IRS2: variants seen among roughly 807,000 people sequenced by gnomAD.
The protein encoded by IRS2 is insulin receptor substrate 2.
A neutral mutation model predicts 70.9 loss-of-function variants in IRS2; 28 were observed. The observed-to-expected ratio is 0.39, with a 90% CI of 0.29 to 0.54. The LOEUF is 0.54. IRS2 is among the 20% of genes least tolerant of loss of function. IRS2 has a pLI of 0.59. For missense variants in IRS2, 2,081 were observed against 2,024.1 expected, an observed-to-expected ratio of 1.03 and a Z score of -0.54; for synonymous variants, 1,217 against 981.9, an observed-to-expected ratio of 1.24 and a Z score of -4.48.
intron 1 of IRS2, among the ~76,000 whole-genome samples, chr13:109,761,615 T>C (rs929309272): frequency 2.0e-4 from 29 of 147,278 alleles, no homozygotes; most frequent in South Asian, 2.1e-4. Context: ...TAAGGTTGGG[T>C]ATGATAACAA....
chr13:109,756,417 A>T (rs1408769060), intron 1 of IRS2, 109 bp from the exon 2 acceptor site: 1 of 867,444 alleles, frequency 1.2e-6, no homozygotes, highest in Non-Finnish European at 2.0e-6. Flanking sequence ...GGTCATTTTC[A>T]TAAACTGATG....
At chr13:109,777,473 C>A (rs1034672882) in intron 1 of IRS2, among the ~76,000 whole-genome samples, 2 of 152,078 alleles carry the variant, frequency 1.3e-5, no homozygotes, top group African/African-American at 4.8e-5. Context: ...AATAAAATAT[C>A]AATTCTCTAC....
chr13:109,781,161 AGGCC>A (rs1877686980), intron 1 of IRS2, among the ~76,000 whole-genome samples: 4 of 152,144 alleles, frequency 2.6e-5, no homozygotes, highest in African/African-American at 9.7e-5. Context: ...GTCTGGGGTG[AGGCC>A]CAACAGGTAA....
chr13:109,760,167 T>C (rs764014289), intron 1 of IRS2, among the ~76,000 whole-genome samples: 2 of 152,236 alleles, frequency 1.3e-5, no homozygotes, highest in Non-Finnish European at 2.9e-5. Flanking sequence ...GTGTTCATTT[T>C]AGTAGAAGCA....
rs11397558 is a variant in IRS2 at position 109,752,960 on chromosome 13, CTTT to C, written c.*3341_*3343del. 8 of 120,342 alleles carry C rather than the reference CTTT, an allele frequency of 6.6e-5. No homozygotes were observed. The highest frequency in any genetic ancestry group is 9.5e-5 in the African/African-American group (3 of 31,454). 7.5% of individuals were successfully genotyped at this position (120,342 alleles called of 1,614,324 possible). Reference sequence around the variant, plus strand: ...GTGTCATGGAGGCAGCATTCTTCTTCTTTTTTTTTTTTTTTTTTGAGACGGAGT... The same window carrying C: ...GTGTCATGGAGGCAGCATTCTTCTTCTTTTTTTTTTTTTTTGAGACGGAGT... On this transcript the variant is annotated 3_prime_UTR_variant, in exon 2 of 2. Transcript: ENST00000375856.
Position 109,754,443 on chromosome 13 carries a change from C to T in IRS2, c.*1861G>A, listed in dbSNP as rs371101194. 7 of 205,698 alleles carry T rather than the reference C, an allele frequency of 3.4e-5. No homozygotes were observed. In the East Asian group the frequency reaches 3.8e-4, roughly 11 times the overall value. 12.7% of individuals were successfully genotyped at this position (205,698 alleles called of 1,614,324 possible). A position where few individuals can be genotyped will look rare whatever the true frequency, so the allele number is the denominator to read the frequency against. ...CTTTCAGCAGGGTCCATATTCAGTC[C>T]CTATCGTACCTGGGGGGAGTTACAA... is the stretch of plus-strand genomic sequence containing the variant. On this transcript the variant is annotated 3_prime_UTR_variant, in exon 2 of 2. Transcript: ENST00000375856.
rs1006919431 is a variant in IRS2 at position 109,755,104 on chromosome 13, C to T, written c.*1200G>A. On this transcript the variant is annotated 3_prime_UTR_variant, in exon 2 of 2. Transcript: ENST00000375856. Reference sequence around the variant, plus strand: ...AACATAAAACAAGGGTAGTCTTGTCCGGAATTTTTTCGACAAGTAACATGT... The same window carrying T: ...AACATAAAACAAGGGTAGTCTTGTCTGGAATTTTTTCGACAAGTAACATGT... The T allele has an allele frequency of 5.2e-5, 12 of 231,462 alleles. No homozygotes were observed. Among genetic ancestry groups the T allele is most frequent in the Admixed American group, 4.0e-4 (7 of 17,720 alleles). 14.3% of individuals were successfully genotyped at this position (231,462 alleles called of 1,614,324 possible).
At position 109,782,130 on chromosome 13, in the gene IRS2, C is replaced by G; in HGVS notation, c.3924G>C (p.Gly1308=). The change falls in exon 1 of 2, where the codon GGG becomes GGC. Residue 1308 remains glycine (G), a synonymous_variant. Coordinates refer to ENST00000375856, the MANE Select transcript of IRS2 (RefSeq NM_003749.3). ...GVGSTGGGCG[G]PGPGALPPAN... ...CAGGGGGCAGGGCACCGGGACCCGG[C>G]CCCCCGCACCCGCCGCCGGTGCTGC... 2 of 1,607,478 alleles carry G rather than the reference C, an allele frequency of 1.2e-6. No individual in the cohort carries two copies. Among genetic ancestry groups the G allele is most frequent in the Non-Finnish European group, 1.7e-6 (2 of 1,177,836 alleles).
At chr13:109,763,180 C>G (rs1877263161) in intron 1 of IRS2, among the ~76,000 whole-genome samples, 1 of 152,166 alleles carries the variant, frequency 6.6e-6, no homozygotes, top group African/African-American at 2.4e-5. Flanking sequence ...CTAAGGAAGA[C>G]AATGCGAAGA....
At position 109,754,540 on chromosome 13, in the gene IRS2, A is replaced by C. The variant is rs536353518; in HGVS notation, c.*1764T>G. 1.6e-4 allele frequency: 32 copies of C among 199,188 alleles called. No homozygotes were observed. In the South Asian group the frequency reaches 5.7e-3, roughly 36 times the overall value. 12.3% of individuals were successfully genotyped at this position (199,188 alleles called of 1,614,324 possible). ...TTCAGGATTTTTATACATCTTAATA[A>C]AGTATATCATACACTGAAATTGACC... On this transcript the variant is annotated 3_prime_UTR_variant, in exon 2 of 2. Transcript: ENST00000375856.
At position 109,782,676 on chromosome 13, in the gene IRS2, G is replaced by C; in HGVS notation, c.3378C>G (p.Pro1126=). 6.3e-7 allele frequency: 1 copy of C among 1,575,494 alleles called. No individual in the cohort carries two copies. The highest frequency in any genetic ancestry group is 8.6e-7 in the Non-Finnish European group (1 of 1,162,348). ...GVEAFLQASQ[P]PDPHRGAKVI... ...CCTTGGCGCCGCGGTGGGGGTCCGG[G>C]GGCTGGCTGGCCTGCAGGAAGGCCT... The change falls in exon 1 of 2, where the codon CCC becomes CCG. Residue 1126 remains proline (P), a synonymous_variant. Transcript: ENST00000375856.
At chr13:109,762,644 C>T (rs1041750235) in intron 1 of IRS2, among the ~76,000 whole-genome samples, 3 of 152,176 alleles carry the variant, frequency 2.0e-5, no homozygotes, top group Admixed American at 1.3e-4. Flanking sequence ...GCCTGTGAGT[C>T]GATGAGGGTG....
At chr13:109,779,104 T>C (rs1877641172) in intron 1 of IRS2, among the ~76,000 whole-genome samples, 1 of 152,224 alleles carries the variant, frequency 6.6e-6, no homozygotes, top group Admixed American at 6.5e-5. Flanking sequence ...ACCTGAGATA[T>C]ACTTTTTAAC....
Position 109,784,783 on chromosome 13 carries a change from G to T in IRS2, c.1271C>A (p.Ala424Glu). Reference sequence around the variant, plus strand: ...GGACATGGAGCGGCTGTGTTGCAGCGCGCCCCCTGCCGGCAGCAGCGCCAC... The same window carrying T: ...GGACATGGAGCGGCTGTGTTGCAGCTCGCCCCCTGCCGGCAGCAGCGCCAC... ...SKVALLPAGG[A>E]LQHSRSMSMP... Residue 424 changes from alanine to glutamate, a missense_variant, in exon 1 of 2, where the codon GCG (alanine) becomes GAG (glutamate). Ala to Glu is a moderately radical substitution (Grantham distance 107). This residue lies in a region of IRS2 where 1,615 missense variants were observed against 1,459.5 expected (regional missense o/e 1.11). Transcript: ENST00000375856. This position sits in a 1 kb window ranked among gnomAD's most constrained non-coding sequence, Gnocchi z 5.2. The T allele has an allele frequency of 8.0e-7, 1 of 1,256,780 alleles. No individual in the cohort carries two copies. Among genetic ancestry groups the T allele is most frequent in the Middle Eastern group, 3.2e-4 (1 of 3,158 alleles). The allele number at this position is 1,256,780 out of a possible 1,614,324, so 77.9% of individuals were successfully genotyped here. A position where few individuals can be genotyped will look rare whatever the true frequency, so the allele number is the denominator to read the frequency against.
rs910525456 is a variant in IRS2 at position 109,783,322 on chromosome 13, G to A, written c.2732C>T (p.Pro911Leu). 2 of 1,555,156 alleles carry A rather than the reference G, an allele frequency of 1.3e-6. No homozygotes were observed. Among genetic ancestry groups the A allele is most frequent in the Admixed American group, 1.8e-5 (1 of 55,398 alleles). ...GTACTCGCCGGGGCTCTTGGGCTCC[G>A]GTGGCAGTGGGTACTCGTGCATGCT... ...LPSMHEYPLP[P>L]EPKSPGEYIN... Residue 911 changes from proline to leucine, a missense_variant, in exon 1 of 2, where the codon CCG becomes CTG. Transcript: ENST00000375856.
At chr13:109,767,624 T>C (rs1189709456) in intron 1 of IRS2, among the ~76,000 whole-genome samples, 2 of 151,650 alleles carry the variant, frequency 1.3e-5, no homozygotes, top group African/African-American at 2.4e-5. Flanking sequence ...GCGTACAGAA[T>C]AGACAGTAGT....
intron 1 of IRS2, among the ~76,000 whole-genome samples, chr13:109,771,490 T>C (rs1877450297): frequency 6.6e-6 from 1 of 152,254 alleles, no homozygotes; most frequent in Admixed American, 6.5e-5. Flanking sequence ...TCAGTTGAAC[T>C]ATACATTTAG....
rs756241937 is a variant in IRS2, at chr13:109,784,024, G to C, written c.2030C>G (p.Pro677Arg). The C allele has an allele frequency of 1.3e-6, 2 of 1,539,258 alleles. No homozygotes were observed. Among genetic ancestry groups the C allele is most frequent in the South Asian group, 2.4e-5 (2 of 84,294 alleles). Residue 677 changes from proline to arginine, a missense_variant, in exon 1 of 2, where the codon CCC becomes CGC. Physicochemically the swap from Pro to Arg is moderately radical, Grantham distance 103 (BLOSUM62 -2). Transcript: ENST00000375856. This position sits in a 1 kb window ranked among gnomAD's most constrained non-coding sequence, Gnocchi z 5.2. ...SGSCRSDDYM[P>R]MSPASVSAPK... ...GGCGGACACGCTGGCGGGGCTCATG[G>C]GCATGTAGTCGTCGCTCCTGCAGCT...
At chr13:109,756,883 C>T (rs143904459) in intron 1 of IRS2, among the ~76,000 whole-genome samples, 1 of 152,352 alleles carries the variant, frequency 6.6e-6, no homozygotes, top group Non-Finnish European at 1.5e-5. Flanking sequence ...GGATCATCTA[C>T]CTCTTTTTGA....
Sources: allele counts gnomAD v4.1 joint callset (sites outside exome capture counted in the v4.1 genomes callset), GRCh38; gene constraint gnomAD v4.1.1; regional missense constraint gnomAD v4.1.1; non-coding constraint Gnocchi (gnomAD v3.1); transcripts MANE v1.5; gene names NCBI Gene and HGNC (gene_info 2026-07-23, HGNC 2026-07-21).